Variants in STK32A observed in about 807,000 individuals in gnomAD.
STK32A encodes serine/threonine kinase 32A.
A neutral mutation model predicts 53.2 loss-of-function variants in STK32A; 41 were observed. The observed-to-expected ratio is 0.77, with a 90% CI of 0.60 to 1.00. The LOEUF is 1.00. Among genes scored for constraint, STK32A ranks in the 50% least tolerant of loss-of-function variants. The pLI is 0.00. For missense variants in STK32A, 458 were observed against 485.8 expected, an observed-to-expected ratio of 0.94 and a Z score of 0.54; for synonymous variants, 166 against 162.8, an observed-to-expected ratio of 1.02 and a Z score of -0.15.
At chr5:147,281,711 C>G (rs1030188465) in intron 4 of STK32A, among the ~76,000 whole-genome samples, 1 of 152,010 alleles carries the variant, frequency 6.6e-6, no homozygotes, top group Non-Finnish European at 1.5e-5. Context: ...AAAACTTCCC[C>G]GGCCTTGCTA....
chr5:147,267,713 AG>A (rs575596544), intron 2 of STK32A, among the ~76,000 whole-genome samples: 19 of 152,250 alleles, frequency 1.2e-4, no homozygotes, highest in Middle Eastern at 3.4e-3. Flanking sequence ...GGCAACATGG[AG>A]GGGGAAGTCT....
At position 147,295,550 on chromosome 5, in the gene STK32A, A is replaced by G. The variant is rs530129795; in HGVS notation, c.260+16152A>G. 2.0e-5 allele frequency among the ~76,000 whole-genome samples: 3 copies of G among 152,352 alleles called. No individual in the cohort carries two copies. The East Asian group carries it at 5.8e-4, about 29-fold the overall frequency. On this transcript the variant is annotated intron_variant, in intron 4 of 12. Transcript: ENST00000397936. The stretch of plus-strand genomic sequence containing the variant: ...CCGAAGATTTACCCAAGTTATGTGA[A>G]CTAAAAGGGATTTGAGTTACTTTCT...
intron 2 of STK32A, among the ~76,000 whole-genome samples, chr5:147,271,518 C>T (rs548301936): frequency 2.0e-4 from 30 of 152,214 alleles, no homozygotes; most frequent in African/African-American, 6.7e-4. Flanking sequence ...AAACTCTGAC[C>T]GCCGGTGAGC....
chr5:147,314,537 A>C (rs538298850), intron 4 of STK32A, among the ~76,000 whole-genome samples: 2 of 144,116 alleles, frequency 1.4e-5, no homozygotes, highest in East Asian at 3.9e-4. Context: ...CAAAAAAAAA[A>C]AAAGAACAAA....
At chr5:147,382,817 G>A (rs1457694178) in intron 11 of STK32A, 5 of 152,238 alleles carry the variant, frequency 3.3e-5, no homozygotes, top group Non-Finnish European at 5.9e-5. Context: ...AATGAAGAGG[G>A]TGAAAAGGTG....
chr5:147,304,389 C>T (rs952378451), intron 4 of STK32A, among the ~76,000 whole-genome samples: 1 of 152,172 alleles, frequency 6.6e-6, no homozygotes, highest in Admixed American at 6.5e-5. Context: ...CAGGAAAACT[C>T]TTTTAGCTCT....
chr5:147,349,607 G>A (rs1374367277), intron 6 of STK32A, among the ~76,000 whole-genome samples: 3 of 152,092 alleles, frequency 2.0e-5, no homozygotes, highest in South Asian at 2.1e-4. Context: ...CCACGTATAA[G>A]TATTAGACCC....
chr5:147,323,814 C>G, intron 4 of STK32A, 84 bp from the exon 5 acceptor site: 1 of 1,220,318 alleles, frequency 8.2e-7, no homozygotes, highest in Non-Finnish European at 1.1e-6. Flanking sequence ...ACACTCTGCT[C>G]TGATCTGTAG....
intron 2 of STK32A, among the ~76,000 whole-genome samples, chr5:147,249,236 G>A (rs1753877648): frequency 2.0e-5 from 3 of 151,924 alleles, no homozygotes; most frequent in South Asian, 4.2e-4. Flanking sequence ...TGAGAACCTA[G>A]GTAAGTGACT....
Position 147,386,807 on chromosome 5 carries a change from C to T in STK32A, c.*2824C>T, listed in dbSNP as rs1757659439. On this transcript the variant is annotated 3_prime_UTR_variant, in exon 13 of 13. Transcript: ENST00000397936. ...GACAGTGCTGATTGTAATCACCTCC[C>T]ACCACTGTGCATTTTAAACATGAGA... 1 of 152,204 alleles carries T rather than the reference C, an allele frequency of 6.6e-6. No individual in the cohort carries two copies. Among genetic ancestry groups the T allele is most frequent in the Non-Finnish European group, 1.5e-5 (1 of 68,034 alleles). The allele number at this position is 152,204 out of a possible 1,614,324, so 9.4% of individuals were successfully genotyped here.
intron 2 of STK32A, among the ~76,000 whole-genome samples, chr5:147,242,013 T>C (rs1470174626): frequency 6.6e-6 from 1 of 152,200 alleles, no homozygotes; most frequent in Non-Finnish European, 1.5e-5. Flanking sequence ...CAAAGAATTG[T>C]GACAATTGGG....
intron 6 of STK32A, among the ~76,000 whole-genome samples, chr5:147,345,879 C>T (rs1200424833): frequency 6.6e-6 from 1 of 152,066 alleles, no homozygotes; most frequent in Admixed American, 6.6e-5. Flanking sequence ...GTATTATATT[C>T]CTACCCTGAA....
At chr5:147,328,215 C>A (rs765542690) in intron 5 of STK32A, among the ~76,000 whole-genome samples, 29 of 152,128 alleles carry the variant, frequency 1.9e-4, no homozygotes, top group Non-Finnish European at 3.4e-4. Context: ...TCACTTGTTT[C>A]CCTGTGTTAA....
At chr5:147,250,659 G>T (rs1753946387) in intron 2 of STK32A, among the ~76,000 whole-genome samples, 1 of 152,066 alleles carries the variant, frequency 6.6e-6, no homozygotes, top group Non-Finnish European at 1.5e-5. Flanking sequence ...ATGCAGATAT[G>T]GGCCCAGTGC....
Position 147,372,252 on chromosome 5 carries a change from A to G in STK32A, c.778-917A>G, listed in dbSNP as rs563618262. Among the ~76,000 whole-genome samples, 24 of 143,760 alleles carry G rather than the reference A, an allele frequency of 1.7e-4. No individual in the cohort carries two copies. In the South Asian group the frequency reaches 3.8e-3, roughly 23 times the overall value. 94.3% of individuals were successfully genotyped at this position (143,760 alleles called of 152,430 possible). A position where few individuals can be genotyped will look rare whatever the true frequency, so the allele number is the denominator to read the frequency against. ...ATACAAAACAAGAATGAGGGGCCCA[A>G]GAGGAATGGGCTTGGCCTTTTTTTT... is the stretch of plus-strand genomic sequence containing the variant. On this transcript the variant is annotated intron_variant, in intron 9 of 12. Coordinates refer to ENST00000397936, the MANE Select transcript of STK32A (RefSeq NM_001112724.2).
intron 2 of STK32A, among the ~76,000 whole-genome samples, chr5:147,245,728 AG>A (rs1409990463): frequency 6.6e-6 from 1 of 152,234 alleles, no homozygotes; most frequent in Non-Finnish European, 1.5e-5. Context: ...AAGTTTAAAA[AG>A]CTGCTCTAAA....
At chr5:147,301,524 A>AG (rs370775249) in intron 4 of STK32A, among the ~76,000 whole-genome samples, 64 of 152,300 alleles carry the variant, frequency 4.2e-4, no homozygotes, top group African/African-American at 1.3e-3. Flanking sequence ...CCTGAGCACT[A>AG]GAAAGTCTTT....
intron 4 of STK32A, among the ~76,000 whole-genome samples, chr5:147,293,493 A>G (rs1268033354): frequency 1.3e-5 from 2 of 149,284 alleles, no homozygotes; most frequent in African/African-American, 4.9e-5. Context: ...AAAAAAAAAA[A>G]AAAAAAAAAA....
chr5:147,329,271 G>T (rs1316525255), intron 5 of STK32A, among the ~76,000 whole-genome samples: 1 of 152,160 alleles, frequency 6.6e-6, no homozygotes, highest in African/African-American at 2.4e-5. Flanking sequence ...GATGCAGATA[G>T]AAATTATTTC....
Sources: allele counts gnomAD v4.1 joint callset (sites outside exome capture counted in the v4.1 genomes callset), GRCh38; gene constraint gnomAD v4.1.1; transcripts MANE v1.5; gene names NCBI Gene and HGNC (gene_info 2026-07-23, HGNC 2026-07-21).